RFFL: variants seen among roughly 807,000 people sequenced by gnomAD.
RFFL encodes the protein ring finger and FYVE like domain containing E3 ubiquitin protein ligase, also known as E3 ubiquitin-protein ligase rififylin.
In RFFL, 16 loss-of-function variants were observed where a neutral mutation model predicts 40.4. That is an observed-to-expected ratio of 0.40 (90% CI 0.27 to 0.60). The LOEUF is 0.60. RFFL is among the 20% of genes least tolerant of loss of function. The pLI, the probability that RFFL is intolerant of heterozygous loss-of-function variation, is 0.47. For synonymous variants in RFFL, 154 were observed against 167.9 expected, an observed-to-expected ratio of 0.92 and a Z score of 0.64; for missense variants, 367 against 451.7, an observed-to-expected ratio of 0.81 and a Z score of 1.70.
intron 3 of RFFL, among the ~76,000 whole-genome samples, chr17:35,018,000 C>T (rs544127321): frequency 1.3e-5 from 2 of 152,266 alleles, no homozygotes; most frequent in East Asian, 1.9e-4. Flanking sequence ...AAATTGCCAT[C>T]CCTATCCCTG....
At chr17:35,065,568 A>G (rs2091316569), upstream of RFFL, among the ~76,000 whole-genome samples, 1 of 151,980 alleles carries the variant, frequency 6.6e-6, no homozygotes, top group Non-Finnish European at 1.5e-5. Context: ...CAAAAAAAAA[A>G]AAAAAAAAAG....
At chr17:35,063,178 G>A (rs1013155061) in intron 1 of RFFL, among the ~76,000 whole-genome samples, 7 of 152,030 alleles carry the variant, frequency 4.6e-5, no homozygotes, top group Admixed American at 3.3e-4. Flanking sequence ...ACTTCTGGCC[G>A]GGGGCCGTGG....
intron 3 of RFFL, 36 bp from the exon 4 acceptor site, chr17:35,017,642 T>C: frequency 1.4e-6 from 2 of 1,402,198 alleles, no homozygotes; most frequent in Middle Eastern, 1.8e-4. Context: ...CATCTAGAGA[T>C]GTCCCAGAGA....
chr17:35,081,936 G>C (rs1358013505), intron 1 of RFFL, among the ~76,000 whole-genome samples: 2 of 152,084 alleles, frequency 1.3e-5, no homozygotes, highest in African/African-American at 2.4e-5. Flanking sequence ...CAATATGAAA[G>C]AAATTAGTCT....
chr17:35,041,215 T>C (rs2091163248), intron 1 of RFFL, among the ~76,000 whole-genome samples: 1 of 152,048 alleles, frequency 6.6e-6, no homozygotes, highest in South Asian at 2.1e-4. Context: ...AACAGCCTCC[T>C]AACGGGTTTC....
intron 2 of RFFL, among the ~76,000 whole-genome samples, chr17:35,022,874 A>G (rs1447317618): frequency 6.6e-6 from 1 of 152,094 alleles, no homozygotes; most frequent in Admixed American, 6.5e-5. Context: ...AGAGTGTCTC[A>G]GTTAGGCAAC....
In RFFL at chr17:35,021,648, T is replaced by C. The variant is rs751783824; in HGVS notation, c.314A>G (p.Lys105Arg). The change falls in exon 3 of 7, where the codon AAG becomes AGG. Residue 105 changes from lysine to arginine, a missense_variant. Physicochemically the swap from Lys to Arg is conservative, Grantham distance 26. Coordinates refer to ENST00000394597, the MANE Select transcript of RFFL (RefSeq NM_001017368.2). Reference protein sequence around the residue: ...AFQREELMKMKVKDLRDYLSL... With the variant: ...AFQREELMKMRVKDLRDYLSL... ...GAGATAGTCCCTCAAGTCCTTCACC[T>C]TCATCTTCATGAGCTCCTCTCGCTG... 1.2e-6 allele frequency: 2 copies of C among 1,614,116 alleles called. No homozygotes were observed. Among genetic ancestry groups the C allele is most frequent in the East Asian group, 4.5e-5 (2 of 44,898 alleles).
rs185246145 is a variant in RFFL, at chr17:35,044,336, A to T, written c.-8-17775T>A. 9.2e-5 allele frequency among the ~76,000 whole-genome samples: 14 copies of T among 152,320 alleles called. No homozygotes were observed. In the East Asian group the frequency reaches 2.7e-3, roughly 29 times the overall value. On this transcript the variant is annotated intron_variant, in intron 1 of 6. Transcript: ENST00000394597. ...TCAAGCAATCCTACCTGGGCCTCCC[A>T]AAGTGCTGGGATTACAGGCAATGAG...
At position 35,016,408 on chromosome 17, in the gene RFFL, G is replaced by T; in HGVS notation, c.848C>A (p.Thr283Asn). The T allele has an allele frequency of 7.4e-6, 12 of 1,614,114 alleles. No homozygotes were observed. The highest frequency in any genetic ancestry group is 9.3e-6 in the Non-Finnish European group (11 of 1,179,994). The stretch of plus-strand genomic sequence containing the variant: ...TCCTTTCTGATCCTTGTATAGCCGG[G>T]TCACTCTCTCCATCAGCTCCCACTT... ...CEKWELMERV[T>N]RLYKDQKGLQ... The change falls in exon 5 of 7, where the codon ACC becomes AAC. Residue 283 changes from threonine to asparagine, a missense_variant. By Grantham distance (65) the Thr-to-Asn change is moderately conservative. Coordinates refer to ENST00000394597, the MANE Select transcript of RFFL (RefSeq NM_001017368.2).
intron 3 of RFFL, among the ~76,000 whole-genome samples, chr17:35,020,193 T>C (rs187902811): frequency 5.3e-5 from 8 of 152,254 alleles, no homozygotes; most frequent in Non-Finnish European, 1.2e-4. Flanking sequence ...GTGACAAAAG[T>C]GGATGTGGAA....
At chr17:35,012,279 C>T (rs534079458) in intron 6 of RFFL, 130 bp from the exon 7 acceptor site, 456 of 725,292 alleles carry the variant, frequency 6.3e-4, no homozygotes, top group Non-Finnish European at 8.9e-4. Context: ...AGTGCACATG[C>T]TTCCCTCAAA....
At chr17:35,037,724 C>T (rs531738636) in intron 1 of RFFL, among the ~76,000 whole-genome samples, 6 of 152,326 alleles carry the variant, frequency 3.9e-5, no homozygotes, top group African/African-American at 1.4e-4. Flanking sequence ...ACCTTGGTCA[C>T]TTAGACCCTG....
chr17:35,088,490 G>A (rs1198995561), intron 1 of RFFL, among the ~76,000 whole-genome samples: 1 of 152,150 alleles, frequency 6.6e-6, no homozygotes, highest in Non-Finnish European at 1.5e-5. Context: ...CTGTCTCCTG[G>A]GCAGCCGGCT....
intron 1 of RFFL, among the ~76,000 whole-genome samples, chr17:35,048,528 C>T (rs1467266689): frequency 6.6e-6 from 1 of 152,182 alleles, no homozygotes; most frequent in Non-Finnish European, 1.5e-5. Flanking sequence ...TCCACCAGTT[C>T]TTAATTATAT....
Position 35,048,040 on chromosome 17 carries a change from C to T in RFFL, c.-9+15536G>A, listed in dbSNP as rs534813183. ...GTGCTGGGATTATAGGCGTGAACCACTGCACTCAGCCCATTAAGGTTCTTT... is the reference window on the plus strand; with the variant it reads ...GTGCTGGGATTATAGGCGTGAACCATTGCACTCAGCCCATTAAGGTTCTTT... On this transcript the variant is annotated intron_variant, in intron 1 of 6. Transcript: ENST00000394597. 3.3e-5 allele frequency among the ~76,000 whole-genome samples: 5 copies of T among 152,230 alleles called. No homozygotes were observed. The South Asian group carries it at 1.0e-3, about 32-fold the overall frequency.
chr17:35,082,060 G>T (rs1408500396), intron 1 of RFFL, among the ~76,000 whole-genome samples: 1 of 152,144 alleles, frequency 6.6e-6, no homozygotes, highest in Non-Finnish European at 1.5e-5. Context: ...TTAAATCACT[G>T]TGATTTACAT....
chr17:35,039,371 C>T (rs1030368682), intron 1 of RFFL, among the ~76,000 whole-genome samples: 2 of 152,022 alleles, frequency 1.3e-5, no homozygotes, highest in African/African-American at 4.8e-5. Context: ...AGGCACGTGC[C>T]ATCACACCCA....
chr17:35,076,505 A>AC (rs2091377245), intron 1 of RFFL, among the ~76,000 whole-genome samples: 2 of 151,188 alleles, frequency 1.3e-5, no homozygotes. Context: ...ACATGGAGAA[A>AC]CCCCATCTAC....
At chr17:35,042,650 C>G (rs2091173695) in intron 1 of RFFL, among the ~76,000 whole-genome samples, 1 of 151,696 alleles carries the variant, frequency 6.6e-6, no homozygotes, top group Non-Finnish European at 1.5e-5. Flanking sequence ...ATGGTGAAAC[C>G]CCATCTCTGC....
Sources: allele counts gnomAD v4.1 joint callset (sites outside exome capture counted in the v4.1 genomes callset), GRCh38; gene constraint gnomAD v4.1.1; transcripts MANE v1.5; gene names NCBI Gene and HGNC (gene_info 2026-07-23, HGNC 2026-07-21).